HOMER1: variants seen among roughly 807,000 people sequenced by gnomAD.
The protein encoded by HOMER1 is homer scaffold protein 1.
A neutral mutation model predicts 48.9 loss-of-function variants in HOMER1; 3 were observed. The observed-to-expected ratio is 0.06, with a 90% CI of 0.03 to 0.16. The LOEUF is 0.16. Among genes scored for constraint, HOMER1 ranks in the 10% least tolerant of loss-of-function variants. The pLI, the probability that HOMER1 is intolerant of heterozygous loss-of-function variation, is 1.00. For missense variants in HOMER1, 247 were observed against 411.4 expected, an observed-to-expected ratio of 0.60 and a Z score of 3.46; for synonymous variants, 134 against 146.4, an observed-to-expected ratio of 0.92 and a Z score of 0.61.
At chr5:79,418,276 C>T (rs1329165619) in intron 5 of HOMER1, among the ~76,000 whole-genome samples, 3 of 152,168 alleles carry the variant, frequency 2.0e-5, no homozygotes, top group African/African-American at 7.2e-5. Flanking sequence ...TCAATAATAG[C>T]TTAGTCCACT....
At chr5:79,482,094 C>T (rs561919088) in intron 1 of HOMER1, among the ~76,000 whole-genome samples, 115 of 152,146 alleles carry the variant, frequency 7.6e-4, no homozygotes, top group African/African-American at 2.7e-3. Context: ...GTGGTGTGTA[C>T]ATGTAGTCCC....
At chr5:79,378,966 T>G (rs1249277703) in intron 8 of HOMER1, among the ~76,000 whole-genome samples, 1 of 148,928 alleles carries the variant, frequency 6.7e-6, no homozygotes, top group Non-Finnish European at 1.5e-5. Flanking sequence ...GCTAGTCTAT[T>G]TTTAGGCAAA....
intron 1 of HOMER1, among the ~76,000 whole-genome samples, chr5:79,490,163 A>G (rs1181595365): frequency 1.3e-5 from 2 of 152,262 alleles, no homozygotes; most frequent in African/African-American, 4.8e-5. Flanking sequence ...GTAATTACTC[A>G]GTAGACATTT....
At chr5:79,449,863 T>C (rs1220662391) in intron 3 of HOMER1, among the ~76,000 whole-genome samples, 2 of 152,204 alleles carry the variant, frequency 1.3e-5, no homozygotes, top group Non-Finnish European at 2.9e-5. Context: ...ATTTAAACTA[T>C]AATTCATATC....
At chr5:79,397,475 C>A in intron 7 of HOMER1, 52 bp downstream of exon 7, 2 of 1,061,812 alleles carry the variant, frequency 1.9e-6, no homozygotes, top group Non-Finnish European at 2.9e-6. Flanking sequence ...GAATCTAATA[C>A]TTTGTACAAA....
intron 1 of HOMER1, among the ~76,000 whole-genome samples, chr5:79,490,808 C>A (rs192757578): frequency 8.7e-4 from 130 of 148,840 alleles, no homozygotes; most frequent in African/African-American, 2.8e-3. Context: ...AAAAAATTAG[C>A]CAGGCATGGT....
At chr5:79,414,106 G>A (rs920773654) in intron 5 of HOMER1, among the ~76,000 whole-genome samples, 11 of 151,932 alleles carry the variant, frequency 7.2e-5, no homozygotes, top group Non-Finnish European at 1.6e-4. Flanking sequence ...TTATTATTTT[G>A]AGATAGGGTC....
chr5:79,491,388 G>A lies in HOMER1; in HGVS notation c.5+21382C>T, dbSNP rs943270220. On this transcript the variant is annotated intron_variant, in intron 1 of 8. Coordinates refer to ENST00000334082, the MANE Select transcript of HOMER1 (RefSeq NM_004272.5). Reference sequence around the variant, plus strand: ...CCGGAGGTTGAGGGTGCAGTAAGCCGAGACTGTGCCACTACACTCCAGCCT... The same window carrying A: ...CCGGAGGTTGAGGGTGCAGTAAGCCAAGACTGTGCCACTACACTCCAGCCT... Among the ~76,000 whole-genome samples, 8 of 134,580 alleles carry A rather than the reference G, an allele frequency of 5.9e-5. No individual in the cohort carries two copies. The East Asian group carries it at 1.4e-3, about 23-fold the overall frequency. 88.3% of individuals were successfully genotyped at this position (134,580 alleles called of 152,430 possible). A position where few individuals can be genotyped will look rare whatever the true frequency, so the allele number is the denominator to read the frequency against.
chr5:79,500,745 T>C (rs2112372344), intron 1 of HOMER1, among the ~76,000 whole-genome samples: 1 of 149,924 alleles, frequency 6.7e-6, no homozygotes, highest in Middle Eastern at 3.4e-3. Context: ...ATGCCTCAAC[T>C]TCCTGAGAAG....
chr5:79,474,266 T>C (rs527475618), intron 1 of HOMER1, among the ~76,000 whole-genome samples: 18 of 143,046 alleles, frequency 1.3e-4, no homozygotes, highest in African/African-American at 4.5e-4. Flanking sequence ...TTGCTCAGGC[T>C]GATCTAGAAC....
chr5:79,495,904 G>A (rs73126204), intron 1 of HOMER1, among the ~76,000 whole-genome samples: 12,802 of 152,072 alleles, frequency 0.084, 1,172 homozygotes, highest in East Asian at 0.22. Context: ...GGTCAAACAT[G>A]GCAAATTAAT....
rs566044009 is a variant in HOMER1 at position 79,499,561 on chromosome 5, T to C, written c.5+13209A>G. Among the ~76,000 whole-genome samples the C allele has an allele frequency of 5.9e-3, 896 of 151,930 alleles. 4 individuals carry two copies. Among genetic ancestry groups the C allele is most frequent in the African/African-American group, 0.021 (859 of 41,388 alleles). ...CATACCTTAGAAGTATTGAAAAAAA[T>C]AGAAAAAGGCATTATGAGTGCATAA... On this transcript the variant is annotated intron_variant, in intron 1 of 8. Coordinates refer to ENST00000334082, the MANE Select transcript of HOMER1 (RefSeq NM_004272.5).
chr5:79,456,771 A>T, intron 2 of HOMER1, 91 bp downstream of exon 2: 1 of 1,086,100 alleles, frequency 9.2e-7, no homozygotes, highest in Non-Finnish European at 1.3e-6. Context: ...AACATTTTAT[A>T]TTAATGAAGA....
chr5:79,447,244 T>C (rs1750910102), intron 3 of HOMER1, 99 bp from the exon 4 acceptor site: 1 of 713,462 alleles, frequency 1.4e-6, no homozygotes, highest in Non-Finnish European at 2.4e-6. Context: ...TAACTGACTC[T>C]ACACAAGCAA....
chr5:79,488,314 C>T (rs1205027689), intron 1 of HOMER1, among the ~76,000 whole-genome samples: 2 of 152,184 alleles, frequency 1.3e-5, no homozygotes, highest in East Asian at 1.9e-4. Context: ...TGGTAGGTCA[C>T]GATTGATGCA....
In HOMER1 at chr5:79,469,784, C is replaced by T. The variant is rs186626824; in HGVS notation, c.6-12766G>A. ...CTGGGACATTGGACACAAGCTACCT[C>T]GCCCCACATTACTTTCAAATTTTGT... On this transcript the variant is annotated intron_variant, in intron 1 of 8. Transcript: ENST00000334082. 3.7e-4 allele frequency among the ~76,000 whole-genome samples: 56 copies of T among 152,178 alleles called. No homozygotes were observed. The East Asian group carries it at 7.9e-3, about 21-fold the overall frequency.
chr5:79,504,469 T>C (rs1237839034), intron 1 of HOMER1, among the ~76,000 whole-genome samples: 6 of 150,786 alleles, frequency 4.0e-5, no homozygotes, highest in African/African-American at 1.2e-4. Context: ...TTAAATATTA[T>C]AATAGGTTCA....
intron 8 of HOMER1, among the ~76,000 whole-genome samples, chr5:79,381,542 A>C (rs1479506694): frequency 6.6e-6 from 1 of 152,244 alleles, no homozygotes; most frequent in Middle Eastern, 3.2e-3. Context: ...AAAAGAATTC[A>C]AATTATTGAT....
At chr5:79,401,836 AT>A (rs1455928428) in intron 6 of HOMER1, 62 bp downstream of exon 6, 15 of 1,518,938 alleles carry the variant, frequency 9.9e-6, no homozygotes, top group Non-Finnish European at 1.3e-5. Context: ...CTACATGCAA[AT>A]TTCTTCTGAT....
Sources: allele counts gnomAD v4.1 joint callset (sites outside exome capture counted in the v4.1 genomes callset), GRCh38; gene constraint gnomAD v4.1.1; transcripts MANE v1.5; gene names NCBI Gene and HGNC (gene_info 2026-07-23, HGNC 2026-07-21).